The following DNAH8 variants were observed in gnomAD, a reference collection of about 807,000 sequenced individuals.
The protein encoded by DNAH8 is dynein axonemal heavy chain 8.
A neutral mutation model predicts 562.1 loss-of-function variants in DNAH8; 382 were observed. That is an observed-to-expected ratio of 0.68 (90% CI 0.63 to 0.74). DNAH8 has a LOEUF of 0.74. Ranked by LOEUF, DNAH8 falls within the 30% of genes least tolerant of loss-of-function variation. The pLI is 0.00. For synonymous variants in DNAH8, 1,881 were observed against 1,919.4 expected (o/e 0.98, Z 0.52); for missense variants, 5,203 against 5,620.4 (o/e 0.93, Z 2.37).
rs1771469212 is a variant in DNAH8 at position 38,808,195 on chromosome 6, G to GT, written c.3257+484dup. 3.3e-5 allele frequency among the ~76,000 whole-genome samples: 5 copies of GT among 152,292 alleles called. No individual in the cohort carries two copies. In the South Asian group the frequency reaches 1.0e-3, roughly 32 times the overall value. Reference sequence around the variant, plus strand: ...GGTGATGGTGATTTGGGTTGCTTCAGTTTTTGCTATCATGAATAAAGCTTC... The same window carrying GT: ...GGTGATGGTGATTTGGGTTGCTTCAGTTTTTTGCTATCATGAATAAAGCTTC... On this transcript the variant is annotated intron_variant, in intron 24 of 92. Coordinates refer to ENST00000327475, the MANE Select transcript of DNAH8 (RefSeq NM_001206927.2).
At chr6:38,945,379 G>C in intron 79 of DNAH8, 88 bp from the exon 80 acceptor site, 1 of 1,345,860 alleles carries the variant, frequency 7.4e-7, no homozygotes. Flanking sequence ...CAGTAATGTG[G>C]CTATTTTGCT....
intron 14 of DNAH8, among the ~76,000 whole-genome samples, chr6:38,779,200 C>T (rs148327558): frequency 2.8e-3 from 430 of 152,186 alleles, no homozygotes; most frequent in Middle Eastern, 0.024. Context: ...TGAGAGCCAG[C>T]GGATCTAGTG....
chr6:38,903,274 C>T (rs1208166916), intron 62 of DNAH8, among the ~76,000 whole-genome samples: 2 of 152,148 alleles, frequency 1.3e-5, no homozygotes, highest in Non-Finnish European at 2.9e-5. Flanking sequence ...CTGGCACCTG[C>T]TTCTGGTGAG....
chr6:38,779,400 T>G (rs907056292), intron 14 of DNAH8, among the ~76,000 whole-genome samples: 16 of 152,224 alleles, frequency 1.1e-4, no homozygotes, highest in Non-Finnish European at 2.4e-4. Flanking sequence ...TCTGTCTCTC[T>G]CTCTCTCTTT....
intron 77 of DNAH8, among the ~76,000 whole-genome samples, chr6:38,936,981 T>G (rs1192801013): frequency 6.6e-6 from 1 of 152,002 alleles, no homozygotes; most frequent in Admixed American, 6.6e-5. Flanking sequence ...AAAACCAAAT[T>G]CATTGTCATA....
In DNAH8 at chr6:38,737,849, A is replaced by G. The variant is rs1221073792; in HGVS notation, c.993A>G (p.Thr331=). The G allele has an allele frequency of 1.3e-6, 2 of 1,582,476 alleles. No homozygotes were observed. Residue 331 remains threonine (T), a synonymous_variant, in exon 7 of 93, where the codon ACA becomes ACG. Transcript: ENST00000327475. ...ISIEGTVKLK[T]IDNVNFSKLH... The stretch of plus-strand genomic sequence containing the variant: ...TTGAGGGAACAGTGAAGTTAAAGAC[A>G]ATAGACAATGTTAATTTTTCCAAAC...
intron 21 of DNAH8, 93 bp from the exon 22 acceptor site, chr6:38,803,086 A>T: frequency 2.3e-6 from 2 of 863,034 alleles, no homozygotes; most frequent in Non-Finnish European, 3.3e-6. Flanking sequence ...AAGTGAAGTT[A>T]ATTATAGTTT....
Position 38,951,523 on chromosome 6 carries a change from A to G in DNAH8, c.12451+3A>G. On this transcript the variant is annotated splice_donor_region_variant and intron_variant, in intron 82 of 92. Coordinates refer to ENST00000327475, the MANE Select transcript of DNAH8 (RefSeq NM_001206927.2). Reference sequence around the variant, plus strand: ...ATTGGCCAAGAAACTGAAACTGGGTAAGACTAGCAATCTACAAAATGTAGC... The same window carrying G: ...ATTGGCCAAGAAACTGAAACTGGGTGAGACTAGCAATCTACAAAATGTAGC... 6.2e-7 allele frequency: 1 copy of G among 1,604,156 alleles called. No individual in the cohort carries two copies. Among genetic ancestry groups the G allele is most frequent in the Non-Finnish European group, 8.5e-7 (1 of 1,174,802 alleles).
In DNAH8 at chr6:38,750,570, C is replaced by A; in HGVS notation, c.1388C>A (p.Pro463His). The A allele has an allele frequency of 6.2e-7, 1 of 1,602,890 alleles. No homozygotes were observed. Among genetic ancestry groups the A allele is most frequent in the Non-Finnish European group, 8.5e-7 (1 of 1,171,154 alleles). Residue 463 changes from proline (P) to histidine (H), a missense_variant, in exon 9 of 93, where the codon CCT becomes CAT. By Grantham distance (77) the Pro-to-His change is moderately conservative (BLOSUM62 -2). Transcript: ENST00000327475. ...YLYTLEKVCQ[P>H]LYNHDLVSMA... Reference sequence around the variant, plus strand: ...TATACTTTGGAAAAAGTGTGTCAACCTCTCTATAACCATGACCTAGTAAGT... The same window carrying A: ...TATACTTTGGAAAAAGTGTGTCAACATCTCTATAACCATGACCTAGTAAGT...
At chr6:38,962,972 G>T (rs12200706) in intron 82 of DNAH8, among the ~76,000 whole-genome samples, 1 of 151,986 alleles carries the variant, frequency 6.6e-6, no homozygotes, top group East Asian at 1.9e-4. Context: ...TGGGGACTGG[G>T]GAGAAAAGGT....
chr6:38,914,957 A>C (rs1781193989), intron 67 of DNAH8, among the ~76,000 whole-genome samples: 1 of 152,094 alleles, frequency 6.6e-6, no homozygotes, highest in Non-Finnish European at 1.5e-5. Context: ...TTTCTTCTGA[A>C]AGCTTTAAAT....
intron 62 of DNAH8, among the ~76,000 whole-genome samples, chr6:38,900,631 T>C (rs1194678799): frequency 1.3e-5 from 2 of 152,150 alleles, no homozygotes; most frequent in Non-Finnish European, 2.9e-5. Context: ...TCTTTTTTTT[T>C]TTTTGAAATG....
chr6:38,952,579 A>G (rs1049534322), intron 82 of DNAH8, among the ~76,000 whole-genome samples: 2 of 152,220 alleles, frequency 1.3e-5, no homozygotes, highest in Non-Finnish European at 2.9e-5. Context: ...TTTATTACAT[A>G]GTCGACATAA....
intron 74 of DNAH8, among the ~76,000 whole-genome samples, chr6:38,926,741 T>A (rs945925926): frequency 2.0e-5 from 3 of 152,124 alleles, no homozygotes; most frequent in African/African-American, 7.2e-5. Context: ...TCCTAGACAC[T>A]GTTCCCAGTG....
chr6:38,939,376 A>G lies in DNAH8; in HGVS notation c.12007+388A>G, dbSNP rs76256797. On this transcript the variant is annotated intron_variant, in intron 79 of 92. Coordinates refer to ENST00000327475, the MANE Select transcript of DNAH8 (RefSeq NM_001206927.2). ...CACTTATGTTTCATATTTGAAGTTA[A>G]TCCTATTCATTGCATATCTCCATGT... 3.2e-3 allele frequency among the ~76,000 whole-genome samples: 484 copies of G among 152,310 alleles called. 11 individuals carry two copies. In the East Asian group the frequency reaches 0.07, roughly 22 times the overall value.
intron 17 of DNAH8, among the ~76,000 whole-genome samples, chr6:38,784,698 T>C (rs1034884744): frequency 6.6e-6 from 1 of 152,232 alleles, no homozygotes; most frequent in Non-Finnish European, 1.5e-5. Context: ...TGCAAATTAC[T>C]TTAATCCTAA....
rs1479526727 is a variant in DNAH8, at chr6:38,790,313, C to G, written c.2689C>G (p.Leu897Val). 6.2e-7 allele frequency: 1 copy of G among 1,607,862 alleles called. No individual in the cohort carries two copies. Among genetic ancestry groups the G allele is most frequent in the Non-Finnish European group, 8.5e-7 (1 of 1,177,222 alleles). ...GGTGGAATCTGTGTTGAGGCAAGGA[C>G]TCACAGTGTTAACATGGTCGTCTTT... ...KKVESVLRQG[L>V]TVLTWSSLTL... Residue 897 changes from leucine to valine, a missense_variant, in exon 20 of 93, where the codon CTC (leucine) becomes GTC (valine). Leu to Val is a conservative substitution (Grantham distance 32, BLOSUM62 1). Transcript: ENST00000327475.
In DNAH8 at chr6:39,012,355, C is replaced by A; in HGVS notation, c.13512C>A (p.Ile4504=). The part of the protein sequence containing the change: ...SDLKLAIEGT[I]IMSENLRDAL... ...TAAAATTGGCCATTGAAGGAACAAT[C>A]ATTATGAGTGAGGTGAGCTGTTATT... Residue 4504 remains isoleucine (I), a synonymous_variant, in exon 90 of 93, where the codon ATC becomes ATA. Transcript: ENST00000327475. The A allele has an allele frequency of 6.2e-7, 1 of 1,612,280 alleles. No homozygotes were observed.
At chr6:38,909,811 G>A in intron 65 of DNAH8, 67 bp downstream of exon 65, 9 of 1,239,250 alleles carry the variant, frequency 7.3e-6, no homozygotes, top group Non-Finnish European at 1.1e-5. Context: ...GGAATGCATT[G>A]TAACATCCAG....
Sources: gnomAD v4.1 joint callset for allele counts (sites outside exome capture counted in the v4.1 genomes callset) on GRCh38, gnomAD v4.1.1 for gene constraint, MANE v1.5 for transcripts, NCBI Gene and HGNC (gene_info 2026-07-23, HGNC 2026-07-21) for gene names.